SRGAP2: variants seen among roughly 807,000 people sequenced by gnomAD.
SRGAP2 encodes SLIT-ROBO Rho GTPase activating protein 2, also known as SLIT-ROBO Rho GTPase-activating protein 2.
Under a neutral mutation model 57.2 loss-of-function variants are expected in SRGAP2, and 15 were observed. The observed-to-expected ratio is 0.26, with a 90% CI of 0.18 to 0.40. The LOEUF is 0.40. Ranked by LOEUF, SRGAP2 falls within the 10% of genes least tolerant of loss-of-function variation. SRGAP2 has a pLI of 1.00. For missense variants in SRGAP2, 520 were observed against 669.6 expected (o/e 0.78, Z 2.47); for synonymous variants, 249 against 248.0 (o/e 1.00, Z -0.04).
intron 13 of SRGAP2, among the ~76,000 whole-genome samples, chr1:206,429,760 T>C (rs1553367659): frequency 6.6e-6 from 1 of 152,090 alleles, no homozygotes; most frequent in Non-Finnish European, 1.5e-5. Flanking sequence ...GGAAGAGAAA[T>C]GCGGGTCAGA....
intron 5 of SRGAP2, among the ~76,000 whole-genome samples, chr1:206,389,573 G>C (rs1351310161): frequency 7.2e-5 from 11 of 152,052 alleles, no homozygotes; most frequent in African/African-American, 2.4e-4. Flanking sequence ...AAATCTGGCT[G>C]CTTCCTGGCT....
intron 7 of SRGAP2, among the ~76,000 whole-genome samples, chr1:206,399,009 T>C (rs1657888606): frequency 6.6e-6 from 1 of 152,164 alleles, no homozygotes; most frequent in South Asian, 2.1e-4. Flanking sequence ...GTACCAAATA[T>C]CTGTAAATAT....
intron 3 of SRGAP2, among the ~76,000 whole-genome samples, chr1:206,324,265 C>CCTCA (rs1553328961): frequency 6.8e-6 from 1 of 146,520 alleles, no homozygotes; most frequent in East Asian, 2.0e-4. Context: ...TCTTCATATT[C>CCTCA]CTCACTTAGC....
At chr1:206,339,524 C>T (rs1486122276) in intron 3 of SRGAP2, among the ~76,000 whole-genome samples, 2 of 152,034 alleles carry the variant, frequency 1.3e-5, no homozygotes, top group East Asian at 1.9e-4. Context: ...TAGCAGCCTG[C>T]GAGACATTGC....
intron 3 of SRGAP2, among the ~76,000 whole-genome samples, chr1:206,323,261 G>A (rs1673605874): frequency 6.6e-6 from 1 of 151,964 alleles, no homozygotes; most frequent in South Asian, 2.1e-4. Flanking sequence ...TCTCCGGAAT[G>A]GGGTCTTGAC....
At chr1:206,452,588 C>T (rs1553376337) in intron 19 of SRGAP2, among the ~76,000 whole-genome samples, 3 of 152,142 alleles carry the variant, frequency 2.0e-5, no homozygotes, top group African/African-American at 7.2e-5. Flanking sequence ...AAAGAAGTTA[C>T]TGTAGAAAGC....
intron 11 of SRGAP2, 129 bp downstream of exon 11, chr1:206,416,102 T>G: frequency 1.6e-6 from 1 of 610,018 alleles, no homozygotes; most frequent in Non-Finnish European, 2.9e-6. Context: ...TTTTCTTGGC[T>G]TGTTGGATGT....
At chr1:206,381,180 G>T (rs1305498121) in intron 4 of SRGAP2, among the ~76,000 whole-genome samples, 8 of 152,190 alleles carry the variant, frequency 5.3e-5, no homozygotes, top group Non-Finnish European at 1.0e-4. Flanking sequence ...GGGCTTAATT[G>T]CTGTTGTTTT....
At chr1:206,373,868 C>A in intron 4 of SRGAP2, among the ~76,000 whole-genome samples, 1 of 149,770 alleles carries the variant, frequency 6.7e-6, no homozygotes, top group African/African-American at 2.5e-5. Context: ...ATCATCACCC[C>A]AATGAGAGAT....
chr1:206,296,510 G>T (rs1186903329), intron 2 of SRGAP2, among the ~76,000 whole-genome samples: 1 of 151,486 alleles, frequency 6.6e-6, no homozygotes. Flanking sequence ...GCTCACTGTG[G>T]CCTTGACCTC....
In SRGAP2 at chr1:206,440,841, G is replaced by A. The variant is rs193298185; in HGVS notation, c.1874+760G>A. Among the ~76,000 whole-genome samples the A allele has an allele frequency of 5.3e-5, 8 of 152,278 alleles. No homozygotes were observed. The East Asian group carries it at 7.7e-4, about 15-fold the overall frequency. On this transcript the variant is annotated intron_variant, in intron 17 of 22. Transcript: ENST00000573034. Reference sequence around the variant, plus strand: ...ATTACAGGCGTGAGCCACCGCACCCGGCATGTTACTATCTGATTTGTGTAT... The same window carrying A: ...ATTACAGGCGTGAGCCACCGCACCCAGCATGTTACTATCTGATTTGTGTAT...
chr1:206,258,198 C>T (rs1669313280), intron 2 of SRGAP2, among the ~76,000 whole-genome samples: 1 of 151,338 alleles, frequency 6.6e-6, no homozygotes, highest in African/African-American at 2.4e-5. Context: ...TCAAATCTGT[C>T]CTGCTGCCTA....
intron 10 of SRGAP2, among the ~76,000 whole-genome samples, chr1:206,410,339 A>T (rs1264614391): frequency 3.3e-5 from 5 of 152,210 alleles, no homozygotes; most frequent in Admixed American, 6.5e-5. Context: ...ATCTTTTATA[A>T]CACATAGTTC....
intron 4 of SRGAP2, among the ~76,000 whole-genome samples, chr1:206,354,968 A>G (rs1432491411): frequency 2.6e-5 from 4 of 152,216 alleles, no homozygotes; most frequent in South Asian, 2.1e-4. Context: ...AAAATATGAT[A>G]TAAAGAACAG....
chr1:206,359,796 C>CCCTTTTTTTTTTTT (rs1558345475), intron 4 of SRGAP2, among the ~76,000 whole-genome samples: 4 of 103,658 alleles, frequency 3.9e-5, no homozygotes, highest in African/African-American at 1.9e-4. Context: ...AGGGATATTG[C>CCCTTTTTTTTTTTT]TCTTTTTTTT....
chr1:206,422,775 T>C (rs1360396747), intron 13 of SRGAP2, among the ~76,000 whole-genome samples: 2 of 152,218 alleles, frequency 1.3e-5, no homozygotes, highest in Non-Finnish European at 2.9e-5. Context: ...TGCATCCTGC[T>C]GCACATAAGC....
At chr1:206,233,479 A>G (rs1166310564) in intron 2 of SRGAP2, among the ~76,000 whole-genome samples, 8 of 149,704 alleles carry the variant, frequency 5.3e-5, no homozygotes, top group Middle Eastern at 3.5e-3. Context: ...AGGATGCTCT[A>G]CTTCTGTATC....
chr1:206,419,246 CTT>C, intron 11 of SRGAP2, 125 bp from the exon 12 acceptor site: 1 of 683,638 alleles, frequency 1.5e-6, no homozygotes, highest in Non-Finnish European at 2.7e-6. Context: ...TCTCTCCTCT[CTT>C]TTGCCACACA....
chr1:206,414,043 T>TTTTTTTTTTTG (rs1659459216), intron 10 of SRGAP2, among the ~76,000 whole-genome samples: 1 of 150,508 alleles, frequency 6.6e-6, no homozygotes, highest in African/African-American at 2.5e-5. Context: ...CTTTTTTTTT[T>TTTTTTTTTTTG]TTTTTTGAGA....
Sources: gnomAD v4.1 joint callset for allele counts (sites outside exome capture counted in the v4.1 genomes callset) on GRCh38, gnomAD v4.1.1 for gene constraint, MANE v1.5 for transcripts, NCBI Gene and HGNC (gene_info 2026-07-23, HGNC 2026-07-21) for gene names.